ATP1B2: variants seen among roughly 807,000 people sequenced by gnomAD.
ATP1B2 encodes the protein sodium/potassium-transporting ATPase subunit beta-2.
In ATP1B2, 12 loss-of-function variants were observed where a neutral mutation model predicts 37.3. That is an observed-to-expected ratio of 0.32 (90% CI 0.21 to 0.52). The LOEUF (loss-of-function observed/expected upper bound fraction) is 0.52. ATP1B2 is among the 20% of genes least tolerant of loss of function. The pLI is 0.96. For missense variants in ATP1B2, 324 were observed against 391.6 expected (o/e 0.83, Z 1.46); for synonymous variants, 139 against 140.5 (o/e 0.99, Z 0.07).
rs112101586 is a variant in ATP1B2 at position 7,655,361 on chromosome 17, C to T, written c.610-166C>T. The T allele has an allele frequency of 9.3e-4, 599 of 645,774 alleles. 2 individuals carry two copies. The highest frequency in any genetic ancestry group is 9.0e-3 in the African/African-American group (497 of 54,932). 40.0% of individuals were successfully genotyped at this position (645,774 alleles called of 1,614,324 possible). A position where few individuals can be genotyped will look rare whatever the true frequency, so the allele number is the denominator to read the frequency against. Reference sequence around the variant, plus strand: ...GACAGACCATCCCCTCATCTACACACGCACATGCAGACACACACACACAGA... The same window carrying T: ...GACAGACCATCCCCTCATCTACACATGCACATGCAGACACACACACACAGA... On this transcript the variant is annotated intron_variant, in intron 5 of 6. Transcript: ENST00000250111. This position sits in a 1 kb window ranked among gnomAD's most constrained non-coding sequence, Gnocchi z 4.4.
upstream of ATP1B2, among the ~76,000 whole-genome samples, chr17:7,648,163 C>G (rs2072586517): frequency 2.0e-5 from 3 of 152,158 alleles, no homozygotes; most frequent in South Asian, 6.2e-4. Flanking sequence ...TTGCTTGAAC[C>G]TGGGAAGTGG....
At position 7,654,717 on chromosome 17, in the gene ATP1B2, C is replaced by T. The variant is rs753133245; in HGVS notation, c.609+33C>T. 1.1e-5 allele frequency: 17 copies of T among 1,606,942 alleles called. No individual in the cohort carries two copies. The South Asian group carries it at 1.9e-4, about 18-fold the overall frequency. On this transcript the variant is annotated intron_variant, in intron 5 of 6. Coordinates refer to ENST00000250111, the MANE Select transcript of ATP1B2 (RefSeq NM_001678.5). The surrounding 1 kb of genome is among the most constrained non-coding windows in gnomAD (Gnocchi z 4.9). The stretch of plus-strand genomic sequence containing the variant: ...CGTTGGGCCTTGTCTGCCTGCTCAC[C>T]TGAGTGGCTCACCTGAGTGTCCTTC...
At position 7,657,628 on chromosome 17, in the gene ATP1B2, CG is replaced by C. The variant is rs1361778524; in HGVS notation, c.*1736del. ...TAGCTGGATCTGTGTTTCTTCCCTT[CG>C]GGCCCCCATGTTTTCCTGCACCCGC... On this transcript the variant is annotated 3_prime_UTR_variant, in exon 7 of 7. Transcript: ENST00000250111. 6 of 152,622 alleles carry C rather than the reference CG, an allele frequency of 3.9e-5. No homozygotes were observed. The East Asian group carries it at 1.2e-3, about 29-fold the overall frequency. The allele number at this position is 152,622 out of a possible 1,614,324, so 9.5% of individuals were successfully genotyped here.
chr17:7,647,235 C>T (rs1619016), upstream of ATP1B2, among the ~76,000 whole-genome samples: 114,963 of 152,080 alleles, frequency 0.76, 45,318 homozygotes, highest in Middle Eastern at 0.9. Flanking sequence ...GATCACCATA[C>T]CTTACCAGAT....
Position 7,651,639 on chromosome 17 carries a change from G to C in ATP1B2, c.112+9G>C. 6.3e-7 allele frequency: 1 copy of C among 1,586,048 alleles called. No individual in the cohort carries two copies. The highest frequency in any genetic ancestry group is 1.4e-5 in the African/African-American group (1 of 73,844). On this transcript the variant is annotated intron_variant, in intron 1 of 6. Coordinates refer to ENST00000250111, the MANE Select transcript of ATP1B2 (RefSeq NM_001678.5). ...CACCGGGACCAGCTGGGGTACGCAG[G>C]GCCGGCACGCAAGGGGCGGGGGAAA...
chr17:7,652,991 C>T (rs1309574488), intron 1 of ATP1B2, among the ~76,000 whole-genome samples: 1 of 152,150 alleles, frequency 6.6e-6, no homozygotes, highest in African/African-American at 2.4e-5. Context: ...GAATGGTGGC[C>T]AGTACCCGCT....
chr17:7,654,136 A>G lies in ATP1B2; in HGVS notation c.431A>G (p.Asn144Ser), dbSNP rs904747577. The G allele has an allele frequency of 5.0e-6, 8 of 1,614,082 alleles. No homozygotes were observed. Among genetic ancestry groups the G allele is most frequent in the Non-Finnish European group, 6.8e-6 (8 of 1,180,038 alleles). ...YYEQPDNGVL[N>S]YPKRACQFNR... ...GAACAGCCAGATAATGGAGTCCTCA[A>G]CTACCCCAAACGTGCCTGCCAATTC... The change falls in exon 4 of 7, where the codon AAC becomes AGC. Residue 144 changes from asparagine (N) to serine (S), a missense_variant. Physicochemically the swap from Asn to Ser is conservative, Grantham distance 46. Coordinates refer to ENST00000250111, the MANE Select transcript of ATP1B2 (RefSeq NM_001678.5). The surrounding 1 kb of genome is among the most constrained non-coding windows in gnomAD (Gnocchi z 4.9).
chr17:7,650,752 A>G (rs562755050), upstream of ATP1B2, among the ~76,000 whole-genome samples: 59 of 151,896 alleles, frequency 3.9e-4, no homozygotes, highest in African/African-American at 1.1e-3. Flanking sequence ...GGTAATGGAG[A>G]GACAGCTAGG....
intron 1 of ATP1B2, 74 bp from the exon 2 acceptor site, chr17:7,653,300 A>G: frequency 6.3e-7 from 1 of 1,597,480 alleles, no homozygotes; most frequent in Non-Finnish European, 8.5e-7. Flanking sequence ...CAGAGTGGGT[A>G]GAGGGGTGTG....
Position 7,654,322 on chromosome 17 carries a change from T to C in ATP1B2, c.552+65T>C. On this transcript the variant is annotated intron_variant, in intron 4 of 6. Transcript: ENST00000250111. The surrounding 1 kb of genome is among the most constrained non-coding windows in gnomAD (Gnocchi z 4.9). ...ATCTGGGGACACCACCTGCAGACAATTGCATCCTTTCACTGGGGCTAATGG... is the reference window on the plus strand; with the variant it reads ...ATCTGGGGACACCACCTGCAGACAACTGCATCCTTTCACTGGGGCTAATGG... 2 of 1,545,840 alleles carry C rather than the reference T, an allele frequency of 1.3e-6. No individual in the cohort carries two copies. Among genetic ancestry groups the C allele is most frequent in the Non-Finnish European group, 8.9e-7 (1 of 1,122,912 alleles).
rs765289769 is a variant in ATP1B2 at position 7,655,861 on chromosome 17, G to A, written c.839G>A (p.Arg280His). 121 of 1,613,992 alleles carry A rather than the reference G, an allele frequency of 7.5e-5. 1 individual carries two copies. Among genetic ancestry groups the A allele is most frequent in the South Asian group, 2.6e-4 (24 of 91,084 alleles). The change falls in exon 7 of 7, where the codon CGC becomes CAC. Residue 280 changes from arginine to histidine, a missense_variant. Coordinates refer to ENST00000250111, the MANE Select transcript of ATP1B2 (RefSeq NM_001678.5). The surrounding 1 kb of genome is among the most constrained non-coding windows in gnomAD (Gnocchi z 4.4). ...TDDERDKFAG[R>H]VAFKLRINKT Reference sequence around the variant, plus strand: ...GATGAGCGAGACAAGTTCGCCGGCCGCGTGGCCTTCAAACTCCGCATCAAC... The same window carrying A: ...GATGAGCGAGACAAGTTCGCCGGCCACGTGGCCTTCAAACTCCGCATCAAC...
upstream of ATP1B2, among the ~76,000 whole-genome samples, chr17:7,649,373 C>T (rs1004654354): frequency 1.3e-5 from 2 of 151,694 alleles, no homozygotes; most frequent in Non-Finnish European, 2.9e-5. Context: ...TGGGCCTGGC[C>T]GAGATAATGA....
rs779662916 is a variant in ATP1B2 at position 7,651,654 on chromosome 17, G to A, written c.112+24G>A. ...GGGTACGCAGGGCCGGCACGCAAGGGGCGGGGGAAAGCCGCGGGGCGACGC... is the reference window on the plus strand; with the variant it reads ...GGGTACGCAGGGCCGGCACGCAAGGAGCGGGGGAAAGCCGCGGGGCGACGC... On this transcript the variant is annotated intron_variant, in intron 1 of 6. Coordinates refer to ENST00000250111, the MANE Select transcript of ATP1B2 (RefSeq NM_001678.5). The A allele has an allele frequency of 6.4e-4, 996 of 1,566,526 alleles. 1 individual carries two copies. Among genetic ancestry groups the A allele is most frequent in the Non-Finnish European group, 8.2e-4 (946 of 1,157,828 alleles).
At chr17:7,649,595 C>T (rs1347330620), upstream of ATP1B2, among the ~76,000 whole-genome samples, 1 of 151,392 alleles carries the variant, frequency 6.6e-6, no homozygotes, top group Non-Finnish European at 1.5e-5. Context: ...CTCTGTTGCC[C>T]AGGCTGGAGT....
chr17:7,652,357 A>AG (rs1463384605), intron 1 of ATP1B2, among the ~76,000 whole-genome samples: 39 of 129,524 alleles, frequency 3.0e-4, no homozygotes, highest in East Asian at 1.4e-3. Context: ...GGGGGGGTGG[A>AG]GGGGGTCTGG....
Position 7,653,888 on chromosome 17 carries a change from G to T in ATP1B2, c.289G>T (p.Val97Phe). Residue 97 changes from valine (V) to phenylalanine (F), a missense_variant, in exon 3 of 7, where the codon GTC becomes TTC. Physicochemically the swap from Val to Phe is conservative, Grantham distance 50. Transcript: ENST00000250111. Reference protein sequence around the residue: ...KTENLDVIVNVSDTESWDQHV... With the variant: ...KTENLDVIVNFSDTESWDQHV... ...TGAGAACCTTGATGTCATTGTCAAT[G>T]TCAGTGACACTGAAAGCTGGGACCA... 1 of 1,614,172 alleles carries T rather than the reference G, an allele frequency of 6.2e-7. No homozygotes were observed. Among genetic ancestry groups the T allele is most frequent in the East Asian group, 2.2e-5 (1 of 44,888 alleles).
upstream of ATP1B2, among the ~76,000 whole-genome samples, chr17:7,647,472 G>C (rs558619369): frequency 6.6e-6 from 1 of 151,920 alleles, no homozygotes; most frequent in South Asian, 2.1e-4. Context: ...GACCAGCCTC[G>C]TCAACACAGA....
At chr17:7,647,471 C>T (rs145458398), upstream of ATP1B2, among the ~76,000 whole-genome samples, 12 of 152,028 alleles carry the variant, frequency 7.9e-5, no homozygotes, top group Non-Finnish European at 1.2e-4. Context: ...AGACCAGCCT[C>T]GTCAACACAG....
chr17:7,648,237 C>A (rs1218452938), upstream of ATP1B2, among the ~76,000 whole-genome samples: 1 of 151,864 alleles, frequency 6.6e-6, no homozygotes, highest in Non-Finnish European at 1.5e-5. Flanking sequence ...AAGACCCTGT[C>A]TCTAAAACAA....
Sources: gnomAD v4.1 joint callset for allele counts (sites outside exome capture counted in the v4.1 genomes callset) on GRCh38, gnomAD v4.1.1 for gene constraint, Gnocchi (gnomAD v3.1) non-coding constraint, MANE v1.5 for transcripts, NCBI Gene and HGNC (gene_info 2026-07-23, HGNC 2026-07-21) for gene names.